ALK: variants seen among roughly 807,000 people sequenced by gnomAD.
The protein encoded by ALK is ALK receptor tyrosine kinase, also known as ALK tyrosine kinase receptor.
Under a neutral mutation model 163.1 loss-of-function variants are expected in ALK, and 74 were observed. The ratio of observed to expected loss-of-function variants is 0.45; its 90% CI spans 0.38 to 0.55. The LOEUF is 0.55. ALK is among the 20% of genes least tolerant of loss of function. ALK has a pLI of 0.00. For missense variants in ALK, 2,063 were observed against 2,105.3 expected (o/e 0.98, Z 0.39); for synonymous variants, 960 against 843.2 (o/e 1.14, Z -2.40).
chr2:29,249,997 A>G (rs58113284), intron 12 of ALK, among the ~76,000 whole-genome samples: 6,763 of 152,314 alleles, frequency 0.044, 516 homozygotes, highest in African/African-American at 0.15. Context: ...GGCTGCCACA[A>G]GAAATGTTAA....
intron 3 of ALK, among the ~76,000 whole-genome samples, chr2:29,649,305 T>C (rs1676974452): frequency 6.6e-6 from 1 of 151,852 alleles, no homozygotes; most frequent in East Asian, 1.9e-4. Context: ...CTGCTCCCCG[T>C]ATTGACTCTG....
chr2:29,230,423 G>C (rs1388775797), intron 15 of ALK, among the ~76,000 whole-genome samples: 2 of 152,056 alleles, frequency 1.3e-5, no homozygotes, highest in African/African-American at 2.4e-5. Flanking sequence ...ATGCATGCTG[G>C]GGACCTGGAA....
At chr2:29,397,937 CT>C (rs1368290801) in intron 4 of ALK, among the ~76,000 whole-genome samples, 1 of 152,200 alleles carries the variant, frequency 6.6e-6, no homozygotes, top group African/African-American at 2.4e-5. Flanking sequence ...CATATGGGAG[CT>C]TTCCCGAACA....
At chr2:29,232,554 T>C in intron 14 of ALK, 106 bp from the exon 15 acceptor site, 1 of 1,456,378 alleles carries the variant, frequency 6.9e-7, no homozygotes, top group Non-Finnish European at 9.4e-7. Flanking sequence ...TGTTTTGGGG[T>C]GACCTGGTGA....
chr2:29,815,386 T>G (rs1664871265), intron 1 of ALK, among the ~76,000 whole-genome samples: 1 of 152,146 alleles, frequency 6.6e-6, no homozygotes, highest in Non-Finnish European at 1.5e-5. Context: ...CATTAAAGTC[T>G]CTGAGTGACC....
intron 5 of ALK, among the ~76,000 whole-genome samples, chr2:29,382,615 T>C (rs552969214): frequency 6.6e-6 from 1 of 152,316 alleles, no homozygotes; most frequent in Non-Finnish European, 1.5e-5. Flanking sequence ...TTTTGTATGG[T>C]ACATAGATCC....
intron 4 of ALK, among the ~76,000 whole-genome samples, chr2:29,521,160 G>A (rs1284397623): frequency 2.0e-5 from 3 of 152,212 alleles, no homozygotes; most frequent in South Asian, 2.1e-4. Flanking sequence ...CCCATTATGT[G>A]TGCATCATTT....
intron 1 of ALK, among the ~76,000 whole-genome samples, chr2:29,788,089 C>T (rs1303189110): frequency 6.6e-6 from 1 of 152,234 alleles, no homozygotes; most frequent in Non-Finnish European, 1.5e-5. Context: ...ATGTACCTCA[C>T]AGCCTCTGTC....
At chr2:29,651,425 A>G (rs959697945) in intron 3 of ALK, among the ~76,000 whole-genome samples, 1 of 152,306 alleles carries the variant, frequency 6.6e-6, no homozygotes, top group East Asian at 1.9e-4. Flanking sequence ...GTCCAAGGTC[A>G]ATGTCTTCTG....
At chr2:29,511,303 T>C (rs1672506932) in intron 4 of ALK, among the ~76,000 whole-genome samples, 1 of 152,118 alleles carries the variant, frequency 6.6e-6, no homozygotes, top group African/African-American at 2.4e-5. Context: ...CTGCCCTGCT[T>C]CCTGGGGAAC....
chr2:29,447,954 G>A (rs909561942), intron 4 of ALK, among the ~76,000 whole-genome samples: 4 of 152,154 alleles, frequency 2.6e-5, no homozygotes, highest in Non-Finnish European at 2.9e-5. Flanking sequence ...GTGAAAGGGT[G>A]AACAAAAACT....
chr2:29,837,281 T>C (rs1405342192), intron 1 of ALK, among the ~76,000 whole-genome samples: 4 of 152,176 alleles, frequency 2.6e-5, no homozygotes, highest in Non-Finnish European at 5.9e-5. Flanking sequence ...ATGGTCTTGC[T>C]GAGGCCAGGG....
chr2:29,792,802 AT>A (rs1402353299), intron 1 of ALK, among the ~76,000 whole-genome samples: 6 of 148,668 alleles, frequency 4.0e-5, no homozygotes, highest in African/African-American at 1.3e-4. Flanking sequence ...CTCTAAAAAA[AT>A]ATACACATCT....
At chr2:29,596,166 C>A (rs1321841839) in intron 3 of ALK, among the ~76,000 whole-genome samples, 1 of 152,228 alleles carries the variant, frequency 6.6e-6, no homozygotes, top group Non-Finnish European at 1.5e-5. Flanking sequence ...TGATCTCCTT[C>A]AGTTAAACCT....
chr2:29,864,698 G>GAAAGA (rs1351286524), intron 1 of ALK, among the ~76,000 whole-genome samples: 1 of 152,168 alleles, frequency 6.6e-6, no homozygotes, highest in African/African-American at 2.4e-5. Context: ...GAAGACAAAG[G>GAAAGA]AAAGAAAAGA....
At chr2:29,717,863 A>G (rs1679309023) in intron 1 of ALK, among the ~76,000 whole-genome samples, 166 bp from the exon 2 acceptor site, 1 of 152,124 alleles carries the variant, frequency 6.6e-6, no homozygotes, top group South Asian at 2.1e-4. Flanking sequence ...TGACCTCAGG[A>G]CCCTGATGTA....
At chr2:29,578,667 A>G (rs1674592988) in intron 3 of ALK, among the ~76,000 whole-genome samples, 1 of 152,162 alleles carries the variant, frequency 6.6e-6, no homozygotes, top group Non-Finnish European at 1.5e-5. Context: ...GGGGTATGTG[A>G]TGATGAAGGG....
At chr2:29,401,061 C>T (rs78679266) in intron 4 of ALK, among the ~76,000 whole-genome samples, 10,593 of 152,122 alleles carry the variant, frequency 0.07, 424 homozygotes, top group Middle Eastern at 0.095. Flanking sequence ...TATGCATTTA[C>T]CCCTTACAAA....
chr2:29,251,362 C>T (rs1664812448), intron 11 of ALK, 95 bp from the exon 12 acceptor site: 1 of 1,284,172 alleles, frequency 7.8e-7, no homozygotes, highest in Admixed American at 2.0e-5. Flanking sequence ...TGCTCCATGG[C>T]CCCAAACCCT....
Sources: allele counts gnomAD v4.1 joint callset (sites outside exome capture counted in the v4.1 genomes callset), GRCh38; gene constraint gnomAD v4.1.1; transcripts MANE v1.5; gene names NCBI Gene and HGNC (gene_info 2026-07-23, HGNC 2026-07-21).